The following CLASP1 variants were observed in gnomAD, a reference collection of about 807,000 sequenced individuals.
CLASP1 encodes cytoplasmic linker associated protein 1.
CLASP1 carries 38 observed loss-of-function variants against 192.3 expected under a neutral mutation model. That is an observed-to-expected ratio of 0.20 (90% confidence interval 0.15 to 0.26). CLASP1 has a LOEUF of 0.26. Ranked by LOEUF, CLASP1 falls within the 10% of genes least tolerant of loss-of-function variation. The probability of loss-of-function intolerance (pLI) is 1.00; values close to 1 mark genes in which losing one functional copy is unlikely to be tolerated. For missense variants in CLASP1, 1,433 were observed against 1,932.5 expected (o/e 0.74, Z 4.85); for synonymous variants, 691 against 712.8 (o/e 0.97, Z 0.49).
chr2:121,390,555 C>G (rs2074163804), intron 30 of CLASP1, among the ~76,000 whole-genome samples: 1 of 152,146 alleles, frequency 6.6e-6, no homozygotes, highest in African/African-American at 2.4e-5. Flanking sequence ...AAGACAACTC[C>G]CAGGGACATC....
chr2:121,632,120 T>C (rs1459108263), intron 1 of CLASP1, among the ~76,000 whole-genome samples: 2 of 152,170 alleles, frequency 1.3e-5, no homozygotes, highest in African/African-American at 4.8e-5. Context: ...AGTATGCACC[T>C]GTAGTCCCAG....
rs985786646 is a variant in CLASP1, at chr2:121,510,405, C to A, written c.644+5260G>T. On this transcript the variant is annotated intron_variant, in intron 7 of 39. Coordinates refer to ENST00000263710, the Ensembl canonical transcript of CLASP1. ...AAATAAAAAGGATTACAGGGGAATT[C>A]TATGAACAATTATATGCCAACAATT... is the stretch of plus-strand genomic sequence containing the variant. 8.5e-5 allele frequency among the ~76,000 whole-genome samples: 13 copies of A among 152,252 alleles called. 1 individual carries two copies. The highest frequency in any genetic ancestry group is 7.2e-4 in the Admixed American group (11 of 15,292).
At chr2:121,460,228 C>A (rs2087610076) in intron 11 of CLASP1, 103 bp from the exon 12 acceptor site, 2 of 915,434 alleles carry the variant, frequency 2.2e-6, no homozygotes, top group African/African-American at 1.6e-5. Context: ...TGTTAAAGTT[C>A]AACTGATTAG....
At chr2:121,619,804 A>T (rs2067028543) in intron 1 of CLASP1, among the ~76,000 whole-genome samples, 1 of 151,944 alleles carries the variant, frequency 6.6e-6, no homozygotes, top group African/African-American at 2.4e-5. Context: ...AATTGCTTCT[A>T]TTTTTTTCTA....
intron 19 of CLASP1, among the ~76,000 whole-genome samples, chr2:121,442,953 T>A (rs1376637138): frequency 1.3e-5 from 2 of 152,154 alleles, no homozygotes; most frequent in African/African-American, 4.8e-5. Flanking sequence ...CCTGCAGACT[T>A]TACCTAGAAA....
intron 8 of CLASP1, among the ~76,000 whole-genome samples, chr2:121,498,197 G>GTTTTT (rs2093609608): frequency 8.7e-6 from 1 of 114,590 alleles, no homozygotes; most frequent in Non-Finnish European, 1.7e-5. Context: ...ATAGGTAATA[G>GTTTTT]TTTCTTTTTT....
At chr2:121,575,073 G>C (rs773898698) in intron 2 of CLASP1, among the ~76,000 whole-genome samples, 1 of 151,876 alleles carries the variant, frequency 6.6e-6, no homozygotes, top group Non-Finnish European at 1.5e-5. Flanking sequence ...AAAGCATCAT[G>C]TTGTACATAA....
chr2:121,447,128 G>C (rs1315088829), intron 19 of CLASP1, among the ~76,000 whole-genome samples: 2 of 152,208 alleles, frequency 1.3e-5, no homozygotes, highest in Admixed American at 6.5e-5. Flanking sequence ...TACTTACTCA[G>C]CACTAAAACG....
chr2:121,491,491 A>G (rs1013113531), intron 8 of CLASP1, among the ~76,000 whole-genome samples: 1 of 152,260 alleles, frequency 6.6e-6, no homozygotes, highest in African/African-American at 2.4e-5. Flanking sequence ...TGAGTAGTCC[A>G]TAATTACTGG....
chr2:121,441,687 T>C (rs1259698601), intron 19 of CLASP1, among the ~76,000 whole-genome samples: 1 of 151,964 alleles, frequency 6.6e-6, no homozygotes, highest in Admixed American at 6.6e-5. Context: ...AAGGGTGCAG[T>C]GAGCTGTAAT....
chr2:121,555,839 G>A (rs1156697504), intron 2 of CLASP1, among the ~76,000 whole-genome samples: 10 of 151,996 alleles, frequency 6.6e-5, no homozygotes, highest in African/African-American at 1.2e-4. Context: ...GTGCCACCAC[G>A]CCCAGTTAAT....
intron 8 of CLASP1, among the ~76,000 whole-genome samples, chr2:121,493,823 T>C (rs868856421): frequency 6.6e-6 from 1 of 152,084 alleles, no homozygotes; most frequent in Middle Eastern, 3.4e-3. Context: ...GACACACAAA[T>C]GGCAAACAGG....
chr2:121,648,691 T>TA (rs2073638528), intron 1 of CLASP1, among the ~76,000 whole-genome samples: 1 of 152,176 alleles, frequency 6.6e-6, no homozygotes, highest in African/African-American at 2.4e-5. Context: ...TCTCTGCCAA[T>TA]ACCAAAGAAC....
At chr2:121,578,228 C>A (rs1402537997) in intron 2 of CLASP1, among the ~76,000 whole-genome samples, 1 of 151,924 alleles carries the variant, frequency 6.6e-6, no homozygotes, top group Non-Finnish European at 1.5e-5. Context: ...AGCCACCACA[C>A]CCTGCCGCTA....
intron 12 of CLASP1, among the ~76,000 whole-genome samples, chr2:121,459,376 C>G (rs1012031401): frequency 3.3e-5 from 5 of 152,132 alleles, no homozygotes; most frequent in Non-Finnish European, 5.9e-5. Flanking sequence ...TAATAAAACA[C>G]AAATATGAAA....
intron 1 of CLASP1, among the ~76,000 whole-genome samples, chr2:121,638,379 T>C (rs2071315261): frequency 6.6e-6 from 1 of 152,238 alleles, no homozygotes; most frequent in East Asian, 1.9e-4. Context: ...CTAGTCAGAA[T>C]GTAAAATGGT....
chr2:121,501,525 A>T (rs1479264451), intron 8 of CLASP1, among the ~76,000 whole-genome samples: 1 of 152,250 alleles, frequency 6.6e-6, no homozygotes, highest in African/African-American at 2.4e-5. Flanking sequence ...AAATGAACTA[A>T]GAAAATATAG....
At chr2:121,388,296 T>G (rs1385513656) in intron 30 of CLASP1, among the ~76,000 whole-genome samples, 1 of 152,230 alleles carries the variant, frequency 6.6e-6, no homozygotes, top group Non-Finnish European at 1.5e-5. Context: ...CAGTACACCC[T>G]GGAAAGCACA....
At chr2:121,585,236 T>C (rs2061588260) in intron 2 of CLASP1, among the ~76,000 whole-genome samples, 1 of 152,198 alleles carries the variant, frequency 6.6e-6, no homozygotes, top group Admixed American at 6.5e-5. Context: ...TGGAGTCACC[T>C]TCAAATAAAA....
Sources: gnomAD v4.1 joint callset for allele counts (sites outside exome capture counted in the v4.1 genomes callset) on GRCh38, gnomAD v4.1.1 for gene constraint, MANE v1.5 for transcripts, NCBI Gene and HGNC (gene_info 2026-07-23, HGNC 2026-07-21) for gene names.